MCMBP: variants seen among roughly 807,000 people sequenced by gnomAD.
MCMBP encodes the protein mini-chromosome maintenance complex-binding protein.
In MCMBP, 31 loss-of-function variants were observed where a neutral mutation model predicts 81.3. The ratio of observed to expected loss-of-function variants is 0.38; its 90% CI spans 0.29 to 0.51. The LOEUF (loss-of-function observed/expected upper bound fraction) is 0.51, where lower values mean the gene tolerates loss of function less well. Ranked by LOEUF, MCMBP falls within the 20% of genes least tolerant of loss-of-function variation. MCMBP has a pLI of 0.87. For synonymous variants in MCMBP, 267 were observed against 275.9 expected (o/e 0.97, Z 0.32); for missense variants, 645 against 772.1 (o/e 0.84, Z 1.95).
intron 1 of MCMBP, among the ~76,000 whole-genome samples, chr10:119,868,091 C>T (rs759732283): frequency 2.0e-4 from 30 of 152,208 alleles, no homozygotes; most frequent in South Asian, 4.1e-4. Flanking sequence ...TTAAATATAA[C>T]GAGAATAATG....
At chr10:119,837,874 T>C (rs990246214) in intron 12 of MCMBP, among the ~76,000 whole-genome samples, 1 of 152,124 alleles carries the variant, frequency 6.6e-6, no homozygotes, top group Admixed American at 6.5e-5. Flanking sequence ...ATTTCAGCTT[T>C]TTAAAAAGCT....
chr10:119,873,317 A>G (rs1853782851), upstream of MCMBP: 3 of 152,118 alleles, frequency 2.0e-5, no homozygotes. Flanking sequence ...CTTTTCCCTC[A>G]GCTGCACAAG....
intron 1 of MCMBP, among the ~76,000 whole-genome samples, chr10:119,863,705 G>GGAGACA (rs1360935615): frequency 1.8e-5 from 2 of 110,894 alleles, no homozygotes; most frequent in Non-Finnish European, 3.3e-5. Flanking sequence ...CTCCAGCCTG[G>GGAGACA]GAGACAGAGT....
chr10:119,844,920 C>A (rs148075182), intron 8 of MCMBP, among the ~76,000 whole-genome samples: 2 of 152,338 alleles, frequency 1.3e-5, no homozygotes, highest in South Asian at 4.1e-4. Context: ...GAAGCCTACA[C>A]TGGTGGCTTC....
chr10:119,843,450 A>C (rs757382885), intron 8 of MCMBP, 24 bp from the exon 9 acceptor site: 2 of 1,602,382 alleles, frequency 1.2e-6, no homozygotes, highest in Non-Finnish European at 1.7e-6. Context: ...ATAAAGTTTC[A>C]ATTTAGAGAG....
At chr10:119,866,299 T>C (rs1281023675) in intron 1 of MCMBP, among the ~76,000 whole-genome samples, 3 of 152,126 alleles carry the variant, frequency 2.0e-5, no homozygotes, top group Non-Finnish European at 4.4e-5. Context: ...GAGAGACTAC[T>C]AAAGGTATGG....
At chr10:119,863,175 AT>A (rs1365864203) in intron 1 of MCMBP, among the ~76,000 whole-genome samples, 7 of 152,232 alleles carry the variant, frequency 4.6e-5, no homozygotes, top group Non-Finnish European at 1.0e-4. Flanking sequence ...AATTTATCAA[AT>A]TTTTGTTTTA....
rs577420333 is a variant in MCMBP, at chr10:119,847,766, A to G, written c.727-53T>C. The G allele has an allele frequency of 8.3e-6, 9 of 1,085,686 alleles. No homozygotes were observed. In the African/African-American group the frequency reaches 1.4e-4, roughly 17 times the overall value. The allele number at this position is 1,085,686 out of a possible 1,614,324, so 67.3% of individuals were successfully genotyped here. On this transcript the variant is annotated intron_variant, in intron 7 of 15. Transcript: ENST00000369077. ...TGTTAGAACAGACACAAAGCTTAAGATATTAGTCTTGAAGTACCAATATCT... is the reference window on the plus strand; with the variant it reads ...TGTTAGAACAGACACAAAGCTTAAGGTATTAGTCTTGAAGTACCAATATCT...
At chr10:119,850,644 G>A (rs1852778846) in intron 6 of MCMBP, among the ~76,000 whole-genome samples, 1 of 150,774 alleles carries the variant, frequency 6.6e-6, no homozygotes, top group Non-Finnish European at 1.5e-5. Context: ...AGCTACTCGG[G>A]AGGCTGAGGC....
intron 6 of MCMBP, among the ~76,000 whole-genome samples, chr10:119,850,316 G>T (rs1451838626): frequency 6.6e-6 from 1 of 152,126 alleles, no homozygotes; most frequent in Non-Finnish European, 1.5e-5. Flanking sequence ...TGGTTGCTAG[G>T]GTCTAGAGAC....
At position 119,834,552 on chromosome 10, in the gene MCMBP, C is replaced by A. The variant is rs376876753; in HGVS notation, c.1707+988G>T. Among the ~76,000 whole-genome samples, 33 of 152,230 alleles carry A rather than the reference C, an allele frequency of 2.2e-4. 2 individuals carry two copies. In the South Asian group the frequency reaches 6.8e-3, roughly 32 times the overall value. On this transcript the variant is annotated intron_variant, in intron 14 of 15. Transcript: ENST00000369077. The stretch of plus-strand genomic sequence containing the variant: ...TAAAAGAGGGCTGGGCGAGGTAGCT[C>A]ACACCTCTAATTCCAGAATTTCGGG...
chr10:119,872,375 C>T, intron 1 of MCMBP, 152 bp downstream of exon 1: 1 of 310,178 alleles, frequency 3.2e-6, no homozygotes, highest in Non-Finnish European at 5.5e-6. Context: ...GAGAGGCTGT[C>T]CCAGCTGGGG....
chr10:119,834,789 G>T (rs920191274), intron 14 of MCMBP, among the ~76,000 whole-genome samples: 1 of 151,192 alleles, frequency 6.6e-6, no homozygotes, highest in African/African-American at 2.4e-5. Context: ...TGAACCTGGG[G>T]GGGTTGAGGC....
At chr10:119,842,795 GCT>G (rs1433747411) in intron 9 of MCMBP, 200 bp from the exon 10 acceptor site, 1 of 481,404 alleles carries the variant, frequency 2.1e-6, no homozygotes, top group East Asian at 4.5e-5. Context: ...ACCAAGTTTT[GCT>G]CTTTTTGCCT....
chr10:119,838,585 G>T lies in MCMBP; in HGVS notation c.1358C>A (p.Ser453Tyr). Residue 453 changes from serine (S) to tyrosine (Y), a missense_variant, in exon 12 of 16, where the codon TCC (serine) becomes TAC (tyrosine). Physicochemically the swap from Ser to Tyr is moderately radical, Grantham distance 144. Transcript: ENST00000369077. ...CAGGAGAGTCTCATCGATTACAAGG[G>T]AAGTATTGCTGGGCAGCTGGAGGAG... ...SGLLQLPSNT[S>Y]LVIDETLLEQ... The T allele has an allele frequency of 6.2e-7, 1 of 1,614,120 alleles. No homozygotes were observed. The highest frequency in any genetic ancestry group is 8.5e-7 in the Non-Finnish European group (1 of 1,180,000).
At chr10:119,864,577 T>C (rs1853383793) in intron 1 of MCMBP, among the ~76,000 whole-genome samples, 1 of 151,296 alleles carries the variant, frequency 6.6e-6, no homozygotes, top group Admixed American at 6.6e-5. Context: ...GTTTACAATT[T>C]TATTGATTTT....
At chr10:119,850,432 C>T (rs540318489) in intron 6 of MCMBP, among the ~76,000 whole-genome samples, 2 of 152,186 alleles carry the variant, frequency 1.3e-5, no homozygotes, top group South Asian at 4.2e-4. Context: ...GTGGTGGTCA[C>T]ATGAATCTAC....
chr10:119,849,433 G>A lies in MCMBP; in HGVS notation c.718C>T (p.Leu240Phe). 6.2e-7 allele frequency: 1 copy of A among 1,608,454 alleles called. No homozygotes were observed. Among genetic ancestry groups the A allele is most frequent in the Middle Eastern group, 1.7e-4 (1 of 6,034 alleles). Residue 240 changes from leucine (L) to phenylalanine (F), a missense_variant, in exon 7 of 16, where the codon CTT becomes TTT. By Grantham distance (22) the Leu-to-Phe change is conservative (BLOSUM62 0). Transcript: ENST00000369077. ...ACGAAAGGTTTTATTACCTTCACAA[G>A]GCATGCAGGGCCCTTCTCTCCTGGC... ...PLPGEKGPAC[L>F]VKVYEDWDCF...
chr10:119,843,399 C>T lies in MCMBP; in HGVS notation c.855G>A (p.Met285Ile), dbSNP rs1280585242. Residue 285 changes from methionine (M) to isoleucine (I), a missense_variant, in exon 9 of 16, where the codon ATG (methionine) becomes ATA (isoleucine). Met to Ile is a conservative substitution (Grantham distance 10). Transcript: ENST00000369077. Reference sequence around the variant, plus strand: ...GCTCCTCTGCTGTGTCTGTGCACTCCATCGGATCCAGCAGTGCAGAGGCAT... The same window carrying T: ...GCTCCTCTGCTGTGTCTGTGCACTCTATCGGATCCAGCAGTGCAGAGGCAT... ...ERDASALLDP[M>I]ECTDTAEEQR... is the part of the protein sequence containing the mutation. 2.5e-6 allele frequency: 4 copies of T among 1,613,786 alleles called. No homozygotes were observed. Among genetic ancestry groups the T allele is most frequent in the Non-Finnish European group, 2.5e-6 (3 of 1,179,864 alleles).
Sources: allele counts gnomAD v4.1 joint callset (sites outside exome capture counted in the v4.1 genomes callset), GRCh38; gene constraint gnomAD v4.1.1; transcripts MANE v1.5; gene names NCBI Gene and HGNC (gene_info 2026-07-23, HGNC 2026-07-21).